The following RPS6KC1 variants were observed in gnomAD, a reference collection of about 807,000 sequenced individuals.
RPS6KC1 encodes the protein ribosomal protein S6 kinase C1.
A neutral mutation model predicts 103.8 loss-of-function variants in RPS6KC1; 54 were observed. The ratio of observed to expected loss-of-function variants is 0.52; its 90% CI spans 0.42 to 0.65. The LOEUF (loss-of-function observed/expected upper bound fraction) is 0.65. Among genes scored for constraint, RPS6KC1 ranks in the 30% least tolerant of loss-of-function variants. The pLI is 0.00. For synonymous variants in RPS6KC1, 439 were observed against 438.7 expected (o/e 1.00, Z -0.01); for missense variants, 1,151 against 1,253.8 (o/e 0.92, Z 1.24).
chr1:213,362,567 A>G, the RPS6KC1 span, among the ~76,000 whole-genome samples: 4 of 152,356 alleles, frequency 2.6e-5, no homozygotes, highest in African/African-American at 7.2e-5. Flanking sequence ...CTCAACTGCC[A>G]TGCCATGGGC....
intron 10 of RPS6KC1, among the ~76,000 whole-genome samples, chr1:213,233,593 C>T (rs2094152897): frequency 6.6e-6 from 1 of 152,102 alleles, no homozygotes; most frequent in African/African-American, 2.4e-5. Context: ...GTAGCAATAT[C>T]TTCCTCTTCT....
rs2087853284 is a variant in RPS6KC1, at chr1:213,146,529, TCTC to T, written c.835+16643_835+16645del. ...CCTCCACCTCCTGGGTTCAAACAGT[TCTC>T]CTGCTCATCCTCCTGAGTAGCTGGG... On this transcript the variant is annotated intron_variant, in intron 6 of 14. Transcript: ENST00000366960. Among the ~76,000 whole-genome samples the T allele has an allele frequency of 2.0e-5, 3 of 151,710 alleles. No individual in the cohort carries two copies. In the South Asian group the frequency reaches 6.2e-4, roughly 31 times the overall value.
chr1:213,461,355 G>T, the RPS6KC1 span, among the ~76,000 whole-genome samples: 173 of 152,242 alleles, frequency 1.1e-3, no homozygotes, highest in African/African-American at 3.9e-3. Context: ...TGACCATACT[G>T]CCCTAAGTAA....
chr1:213,364,632 G>A, the RPS6KC1 span, among the ~76,000 whole-genome samples: 1 of 152,104 alleles, frequency 6.6e-6, no homozygotes, highest in East Asian at 1.9e-4. Context: ...AGCTAGAAAA[G>A]AGAGGGTAGA....
rs771457186 is a variant in RPS6KC1 at position 213,242,049 on chromosome 1, C to G, written c.2573C>G (p.Pro858Arg). The change falls in exon 11 of 15, where the codon CCA (proline) becomes CGA (arginine). Residue 858 changes from proline (P) to arginine (R), a missense_variant. By Grantham distance (103) the Pro-to-Arg change is moderately radical. This residue lies in a region of RPS6KC1 where 959 missense variants were observed against 1,006.3 expected (regional missense o/e 0.95). Coordinates refer to ENST00000366960, the MANE Select transcript of RPS6KC1 (RefSeq NM_012424.6). The part of the protein sequence containing the change: ...DQTDDLAKEE[P>R]TSLFQRDSET... ...ACTGATGATTTGGCTAAAGAGGAAC[C>G]AACTTCTTTATTCCAGAGAGACTCT... The G allele has an allele frequency of 6.2e-7, 1 of 1,613,952 alleles. No homozygotes were observed. The highest frequency in any genetic ancestry group is 2.2e-5 in the East Asian group (1 of 44,866).
chr1:213,669,158 G>C, the RPS6KC1 span, among the ~76,000 whole-genome samples: 5 of 152,206 alleles, frequency 3.3e-5, no homozygotes, highest in Non-Finnish European at 7.3e-5. Context: ...TGGCCCAAGA[G>C]GCCTAGCTTT....
rs975726242 is a variant in RPS6KC1, at chr1:213,150,520, C to T, written c.836-17338C>T. 2.5e-3 allele frequency among the ~76,000 whole-genome samples: 381 copies of T among 150,394 alleles called. 2 individuals carry two copies. The highest frequency in any genetic ancestry group is 8.5e-3 in the African/African-American group (348 of 40,806). ...ATTAGGGAGTGGTGATGACTCTTAA[C>T]GAGCACGCTGCCTTCAAGCATCTGT... On this transcript the variant is annotated intron_variant, in intron 6 of 14. Coordinates refer to ENST00000366960, the MANE Select transcript of RPS6KC1 (RefSeq NM_012424.6).
chr1:213,585,509 C>A, the RPS6KC1 span, among the ~76,000 whole-genome samples: 2 of 152,230 alleles, frequency 1.3e-5, no homozygotes, highest in African/African-American at 2.4e-5. Context: ...TATCTGATCT[C>A]CAAATAACAC....
In RPS6KC1 at chr1:213,167,480, AC is replaced by A. The variant is rs1558462435; in HGVS notation, c.836-377del. Among the ~76,000 whole-genome samples, 1,265 of 142,528 alleles carry A rather than the reference AC, an allele frequency of 8.9e-3. 27 individuals carry two copies. The highest frequency in any genetic ancestry group is 0.03 in the African/African-American group (1,070 of 35,598). The allele number at this position is 142,528 out of a possible 152,430, so 93.5% of individuals were successfully genotyped here. ...CACACACACACACACACACACACAC[AC>A]ACACACACAACAGCTGTTGCATTTG... is the stretch of plus-strand genomic sequence containing the variant. On this transcript the variant is annotated intron_variant, in intron 6 of 14. Transcript: ENST00000366960.
the RPS6KC1 span, among the ~76,000 whole-genome samples, chr1:213,570,380 A>G: frequency 1.3e-5 from 2 of 152,210 alleles, no homozygotes; most frequent in Non-Finnish European, 2.9e-5. Context: ...CCCTGATAAG[A>G]AGACCAAAGC....
the RPS6KC1 span, among the ~76,000 whole-genome samples, chr1:213,346,368 AT>A: frequency 3.1e-4 from 47 of 152,330 alleles, no homozygotes; most frequent in East Asian, 5.8e-4. Context: ...ATAAAAAAAA[AT>A]ATCACCAATA....
the RPS6KC1 span, among the ~76,000 whole-genome samples, chr1:213,319,616 T>C: frequency 1.3e-5 from 2 of 152,246 alleles, no homozygotes; most frequent in Non-Finnish European, 2.9e-5. Context: ...TTTGCAGATG[T>C]ACCAGCACTG....
the RPS6KC1 span, among the ~76,000 whole-genome samples, chr1:213,630,631 T>C: frequency 6.6e-6 from 1 of 152,358 alleles, no homozygotes; most frequent in South Asian, 2.1e-4. Flanking sequence ...AGGAGCTGTG[T>C]TCCTTTGGAG....
chr1:213,651,039 C>T, the RPS6KC1 span, among the ~76,000 whole-genome samples: 3 of 151,508 alleles, frequency 2.0e-5, no homozygotes, highest in African/African-American at 4.9e-5. Context: ...GAAGCTGAAT[C>T]GCCCTCCTAG....
At chr1:213,052,008 C>T (rs1201806253) in intron 1 of RPS6KC1, among the ~76,000 whole-genome samples, 2 of 152,108 alleles carry the variant, frequency 1.3e-5, no homozygotes, top group Non-Finnish European at 2.9e-5. Flanking sequence ...TGGATCCGGG[C>T]TTTGTCAAAC....
chr1:213,058,736 T>C (rs1022139505), intron 1 of RPS6KC1, among the ~76,000 whole-genome samples: 1 of 152,210 alleles, frequency 6.6e-6, no homozygotes, highest in Non-Finnish European at 1.5e-5. Flanking sequence ...TTGACTACCC[T>C]AGTTCCTTTG....
the RPS6KC1 span, among the ~76,000 whole-genome samples, chr1:213,459,722 G>C: frequency 2.0e-5 from 3 of 152,114 alleles, no homozygotes; most frequent in South Asian, 6.2e-4. Flanking sequence ...CCTGTGGGCA[G>C]TTAGTGCTAT....
the RPS6KC1 span, among the ~76,000 whole-genome samples, chr1:213,385,083 A>G: frequency 0.028 from 4,210 of 152,332 alleles, 95 homozygotes; most frequent in Non-Finnish European, 0.043. Flanking sequence ...CTCTGGAGTC[A>G]AGAATGTAAT....
chr1:213,262,593 T>TTCCA, intron 13 of RPS6KC1, 128 bp from the exon 14 acceptor site: 1 of 681,972 alleles, frequency 1.5e-6, no homozygotes, highest in Non-Finnish European at 2.7e-6. Flanking sequence ...TAGGCGGCAC[T>TTCCA]GTGTTGATTA....
Sources: gnomAD v4.1 joint callset for allele counts (sites outside exome capture counted in the v4.1 genomes callset) on GRCh38, gnomAD v4.1.1 for gene constraint, gnomAD v4.1.1 regional missense constraint, MANE v1.5 for transcripts, NCBI Gene and HGNC (gene_info 2026-07-23, HGNC 2026-07-21) for gene names.